ZNF569: variants seen among roughly 807,000 people sequenced by gnomAD.
ZNF569 encodes zinc finger protein 569.
In ZNF569, 38 loss-of-function variants were observed where a neutral mutation model predicts 56.3. The ratio of observed to expected loss-of-function variants is 0.68; its 90% CI spans 0.52 to 0.88. The LOEUF is 0.88. Among genes scored for constraint, ZNF569 ranks in the 40% least tolerant of loss-of-function variants. The probability of loss-of-function intolerance (pLI) is 0.00; values close to 1 mark genes in which losing one functional copy is unlikely to be tolerated. For synonymous variants in ZNF569, 241 were observed against 262.9 expected (o/e 0.92, Z 0.81); for missense variants, 666 against 809.2 (o/e 0.82, Z 2.15).
At chr19:37,452,358 A>G (rs1410791450) in intron 2 of ZNF569, among the ~76,000 whole-genome samples, 1 of 152,206 alleles carries the variant, frequency 6.6e-6, no homozygotes, top group Non-Finnish European at 1.5e-5. Flanking sequence ...GTAATGCAGT[A>G]TTCTGTATTT....
At chr19:37,454,009 G>A (rs1050387762) in intron 2 of ZNF569, among the ~76,000 whole-genome samples, 2 of 152,134 alleles carry the variant, frequency 1.3e-5, no homozygotes, top group African/African-American at 2.4e-5. Context: ...AGGTTAAGAA[G>A]TTTTTACACT....
At chr19:37,449,582 T>A (rs1267511298) in intron 2 of ZNF569, among the ~76,000 whole-genome samples, 1 of 152,200 alleles carries the variant, frequency 6.6e-6, no homozygotes, top group Admixed American at 6.5e-5. Flanking sequence ...CCTTGAGCAT[T>A]ATGTTTCTTC....
intron 5 of ZNF569, 178 bp downstream of exon 5, chr19:37,425,690 C>T (rs1336108862): frequency 1.9e-6 from 1 of 515,410 alleles, no homozygotes; most frequent in Non-Finnish European, 3.5e-6. Context: ...GTCCCAAACT[C>T]CTGGACTCAA....
At chr19:37,417,837 C>T (rs574221441) in intron 5 of ZNF569, among the ~76,000 whole-genome samples, 3 of 152,108 alleles carry the variant, frequency 2.0e-5, no homozygotes, top group South Asian at 2.1e-4. Context: ...TGGCCGGGTG[C>T]GATGGCACAC....
intron 3 of ZNF569, among the ~76,000 whole-genome samples, chr19:37,428,736 G>A (rs114394173): frequency 0.016 from 2,413 of 150,456 alleles, 71 homozygotes; most frequent in African/African-American, 0.056. Flanking sequence ...GCAGTGTGGC[G>A]TGATGTTGGC....
At chr19:37,425,318 A>ATTTTTTT (rs770808954) in intron 5 of ZNF569, among the ~76,000 whole-genome samples, 1 of 104,148 alleles carries the variant, frequency 9.6e-6, no homozygotes, top group Non-Finnish European at 1.8e-5. Flanking sequence ...CACGTGGCTA[A>ATTTTTTT]TTTTTTTTTT....
At chr19:37,453,814 T>C (rs2041631649) in intron 2 of ZNF569, among the ~76,000 whole-genome samples, 1 of 152,236 alleles carries the variant, frequency 6.6e-6, no homozygotes, top group Non-Finnish European at 1.5e-5. Context: ...ATCAGGTCCA[T>C]TTCATATAAG....
At chr19:37,448,840 G>C (rs1350529653) in intron 2 of ZNF569, among the ~76,000 whole-genome samples, 1 of 151,946 alleles carries the variant, frequency 6.6e-6, no homozygotes, top group Non-Finnish European at 1.5e-5. Context: ...CACCGCATCC[G>C]GCCTATGCTG....
In ZNF569 at chr19:37,412,222, A is replaced by G. The variant is rs2040850403; in HGVS notation, c.*375T>C. ...GTTTATTCTTAGGTTTTCTATCAAC[A>G]CATTTTCTAATTATTTCTTGTATAA... On this transcript the variant is annotated 3_prime_UTR_variant, in exon 6 of 6. Coordinates refer to ENST00000316950, the MANE Select transcript of ZNF569 (RefSeq NM_152484.3). 2 of 164,418 alleles carry G rather than the reference A, an allele frequency of 1.2e-5. No homozygotes were observed. Among genetic ancestry groups the G allele is most frequent in the Admixed American group, 1.3e-4 (2 of 15,784 alleles). The allele number at this position is 164,418 out of a possible 1,614,324, so 10.2% of individuals were successfully genotyped here.
At chr19:37,440,410 G>A (rs755431978) in intron 3 of ZNF569, among the ~76,000 whole-genome samples, 2 of 152,068 alleles carry the variant, frequency 1.3e-5, no homozygotes, top group African/African-American at 2.4e-5. Context: ...TTTGCCAGGG[G>A]CTAGGAGTGA....
At chr19:37,433,741 T>C (rs78565707) in intron 3 of ZNF569, among the ~76,000 whole-genome samples, 4 of 152,156 alleles carry the variant, frequency 2.6e-5, no homozygotes, top group African/African-American at 9.7e-5. Context: ...TATGCTAGAA[T>C]AGTATATCTG....
At chr19:37,428,531 A>G (rs1167441937) in intron 3 of ZNF569, among the ~76,000 whole-genome samples, 1 of 150,580 alleles carries the variant, frequency 6.6e-6, no homozygotes, top group Non-Finnish European at 1.5e-5. Flanking sequence ...TCTTAAAAAA[A>G]AAAAAAAAAA....
Position 37,412,107 on chromosome 19 carries a change from A to T in ZNF569, c.*490T>A, listed in dbSNP as rs1394402370. 6.6e-6 allele frequency: 1 copy of T among 152,382 alleles called. No individual in the cohort carries two copies. Among genetic ancestry groups the T allele is most frequent in the African/African-American group, 2.4e-5 (1 of 41,462 alleles). The allele number at this position is 152,382 out of a possible 1,614,324, so 9.4% of individuals were successfully genotyped here. A position where few individuals can be genotyped will look rare whatever the true frequency, so the allele number is the denominator to read the frequency against. On this transcript the variant is annotated 3_prime_UTR_variant, in exon 6 of 6. Coordinates refer to ENST00000316950, the MANE Select transcript of ZNF569 (RefSeq NM_152484.3). Reference sequence around the variant, plus strand: ...GAGAAATTATATTTTTACAATGTCAAGTCTTTTCAGACAAAATATCATTTT... The same window carrying T: ...GAGAAATTATATTTTTACAATGTCATGTCTTTTCAGACAAAATATCATTTT...
chr19:37,463,709 T>C (rs955667492), intron 2 of ZNF569, among the ~76,000 whole-genome samples: 10 of 152,202 alleles, frequency 6.6e-5, no homozygotes, highest in Non-Finnish European at 1.5e-4. Context: ...ATGATAACCA[T>C]GCATGTTTAT....
chr19:37,440,049 T>A (rs1302140935), intron 3 of ZNF569, among the ~76,000 whole-genome samples: 1 of 152,138 alleles, frequency 6.6e-6, no homozygotes, highest in African/African-American at 2.4e-5. Context: ...AAAGAGTAAA[T>A]TGGATTGTTT....
At chr19:37,434,245 A>T (rs2041271287) in intron 3 of ZNF569, among the ~76,000 whole-genome samples, 1 of 150,698 alleles carries the variant, frequency 6.6e-6, no homozygotes, top group South Asian at 2.1e-4. Flanking sequence ...GGTTGCAGTG[A>T]GCCGAGATTG....
chr19:37,423,152 G>A (rs531201914), intron 5 of ZNF569, among the ~76,000 whole-genome samples: 7 of 152,236 alleles, frequency 4.6e-5, no homozygotes, highest in African/African-American at 1.7e-4. Context: ...AGAATTAAGT[G>A]GGTAATTTCA....
At chr19:37,454,933 T>C (rs2041650229) in intron 2 of ZNF569, 4 of 698,458 alleles carry the variant, frequency 5.7e-6, no homozygotes. Context: ...TAAGATTACT[T>C]GGTTGCCCTG....
chr19:37,412,957 T>C lies in ZNF569; in HGVS notation c.1701A>G (p.Leu567=). 4 of 1,613,706 alleles carry C rather than the reference T, an allele frequency of 2.5e-6. No homozygotes were observed. The highest frequency in any genetic ancestry group is 3.4e-6 in the Non-Finnish European group (4 of 1,179,852). Residue 567 remains leucine (L), a synonymous_variant, in exon 6 of 6, where the codon TTA becomes TTG. Coordinates refer to ENST00000316950, the MANE Select transcript of ZNF569 (RefSeq NM_152484.3). ...TCTCACCTGTGTGACTTCTCATATG[T>C]AAATTAAGCAGTGAGCACTGAGAGA... ...KAFSQCSLLN[L]HMRSHTGEKP... is the part of the protein sequence containing the mutation.
Sources: gnomAD v4.1 joint callset for allele counts (sites outside exome capture counted in the v4.1 genomes callset) on GRCh38, gnomAD v4.1.1 for gene constraint, MANE v1.5 for transcripts, NCBI Gene and HGNC (gene_info 2026-07-23, HGNC 2026-07-21) for gene names.